Variants in ETV6 observed in about 807,000 individuals in gnomAD.
The protein encoded by ETV6 is transcription factor ETV6.
In ETV6, 16 loss-of-function variants were observed where a neutral mutation model predicts 51.1. The ratio of observed to expected loss-of-function variants is 0.31; its 90% CI spans 0.21 to 0.48. ETV6 has a LOEUF of 0.48. ETV6 is among the 20% of genes least tolerant of loss of function. The probability of loss-of-function intolerance (pLI) is 0.99; values close to 1 mark genes in which losing one functional copy is unlikely to be tolerated. For synonymous variants in ETV6, 240 were observed against 224.1 expected (o/e 1.07, Z -0.64); for missense variants, 458 against 594.8 (o/e 0.77, Z 2.39).
chr12:11,741,183 G>A (rs1865801394), intron 1 of ETV6, among the ~76,000 whole-genome samples: 1 of 152,160 alleles, frequency 6.6e-6, no homozygotes, highest in South Asian at 2.1e-4. Context: ...ACCATGGTAA[G>A]TAGCAAGGTT....
intron 4 of ETV6, among the ~76,000 whole-genome samples, chr12:11,853,866 T>A (rs12319153): frequency 6.6e-6 from 1 of 152,066 alleles, no homozygotes; most frequent in African/African-American, 2.4e-5. Flanking sequence ...AGGAAGCAAC[T>A]CTGGAGTATG....
chr12:11,741,949 G>A (rs1301326336), intron 1 of ETV6, among the ~76,000 whole-genome samples: 1 of 152,136 alleles, frequency 6.6e-6, no homozygotes, highest in Non-Finnish European at 1.5e-5. Context: ...TTGGCTATTG[G>A]GATTGTGTTT....
At chr12:11,823,987 GATTA>G (rs1381832721) in intron 2 of ETV6, among the ~76,000 whole-genome samples, 1 of 152,154 alleles carries the variant, frequency 6.6e-6, no homozygotes, top group Non-Finnish European at 1.5e-5. Context: ...AGACCCCTTA[GATTA>G]ATTATCACAT....
intron 1 of ETV6, among the ~76,000 whole-genome samples, chr12:11,666,030 G>A (rs904450608): frequency 3.3e-5 from 5 of 152,174 alleles, no homozygotes; most frequent in East Asian, 3.9e-4. Context: ...GTCAGGGAGA[G>A]AGAACCAGTG....
chr12:11,868,436 TTC>T (rs1946823629), intron 4 of ETV6, among the ~76,000 whole-genome samples: 1 of 110,570 alleles, frequency 9.0e-6, no homozygotes. Context: ...TTCTTTTTTC[TTC>T]TTTTTTTTTT....
intron 2 of ETV6, among the ~76,000 whole-genome samples, chr12:11,833,172 A>T (rs956064643): frequency 6.6e-6 from 1 of 152,254 alleles, no homozygotes; most frequent in Admixed American, 6.5e-5. Context: ...ACAGTACAAA[A>T]GCAATAGCTA....
chr12:11,774,921 A>G (rs1467068498), intron 2 of ETV6, among the ~76,000 whole-genome samples: 1 of 152,226 alleles, frequency 6.6e-6, no homozygotes, highest in Non-Finnish European at 1.5e-5. Flanking sequence ...GTCAGGCAGG[A>G]CAAGGGGATC....
At chr12:11,665,767 T>A (rs1864183007) in intron 1 of ETV6, among the ~76,000 whole-genome samples, 1 of 152,178 alleles carries the variant, frequency 6.6e-6, no homozygotes, top group African/African-American at 2.4e-5. Context: ...GGACTCCATG[T>A]CAGGGCGAAC....
chr12:11,788,522 C>G (rs1284123302), intron 2 of ETV6, among the ~76,000 whole-genome samples: 1 of 152,182 alleles, frequency 6.6e-6, no homozygotes, highest in Non-Finnish European at 1.5e-5. Context: ...GCCATCATTT[C>G]TCTTCTGATA....
intron 2 of ETV6, among the ~76,000 whole-genome samples, chr12:11,777,456 T>G (rs1197289306): frequency 6.6e-6 from 1 of 151,262 alleles, no homozygotes; most frequent in Non-Finnish European, 1.5e-5. Flanking sequence ...GTTTTTTTGT[T>G]TTTTTTTTCT....
At chr12:11,858,303 A>G (rs1946662280) in intron 4 of ETV6, among the ~76,000 whole-genome samples, 1 of 152,208 alleles carries the variant, frequency 6.6e-6, no homozygotes, top group Admixed American at 6.5e-5. Flanking sequence ...GTAAATGACT[A>G]TAAAATAAAT....
At position 11,891,159 on chromosome 12, in the gene ETV6, C is replaced by A; in HGVS notation, c.*113C>A. The A allele has an allele frequency of 1.3e-6, 1 of 779,856 alleles. No homozygotes were observed. Among genetic ancestry groups the A allele is most frequent in the Non-Finnish European group, 2.1e-6 (1 of 468,740 alleles). 48.3% of individuals were successfully genotyped at this position (779,856 alleles called of 1,614,324 possible). A position where few individuals can be genotyped will look rare whatever the true frequency, so the allele number is the denominator to read the frequency against. On this transcript the variant is annotated 3_prime_UTR_variant, in exon 8 of 8. Transcript: ENST00000396373. Reference sequence around the variant, plus strand: ...TGAGGAGAGTGGAAAAGGAAGCGACCCAGAAATGGCAGGGACACTTCTCTT... The same window carrying A: ...TGAGGAGAGTGGAAAAGGAAGCGACACAGAAATGGCAGGGACACTTCTCTT...
Position 11,893,796 on chromosome 12 carries a change from A to ATT in ETV6, c.*2751_*2752insTT, listed in dbSNP as rs1947338621. 1.8e-4 allele frequency: 1 copy of ATT among 5,696 alleles called. No homozygotes were observed. Among genetic ancestry groups the ATT allele is most frequent in the African/African-American group, 5.3e-4 (1 of 1,888 alleles). 0.4% of individuals were successfully genotyped at this position (5,696 alleles called of 1,614,324 possible). A position where few individuals can be genotyped will look rare whatever the true frequency, so the allele number is the denominator to read the frequency against. On this transcript the variant is annotated 3_prime_UTR_variant, in exon 8 of 8. Transcript: ENST00000396373. ...GTCCATCCCCAAGATCTCTCATTTT[A>ATT]TATATATATATATATATATATATAT...
chr12:11,844,864 G>A (rs1161795618), intron 3 of ETV6, among the ~76,000 whole-genome samples: 4 of 150,722 alleles, frequency 2.7e-5, no homozygotes, highest in African/African-American at 7.3e-5. Context: ...ATGGATTCTC[G>A]CTCTGTCGCC....
chr12:11,753,905 A>T (rs558014895), intron 2 of ETV6, among the ~76,000 whole-genome samples: 1 of 152,328 alleles, frequency 6.6e-6, no homozygotes, highest in African/African-American at 2.4e-5. Flanking sequence ...GAAGTAAAGG[A>T]CACAGCCCTA....
At chr12:11,880,305 G>T (rs1469963809) in intron 5 of ETV6, among the ~76,000 whole-genome samples, 1 of 152,170 alleles carries the variant, frequency 6.6e-6, no homozygotes, top group East Asian at 1.9e-4. Flanking sequence ...ATGATCAATT[G>T]GCAGCTTGTT....
intron 1 of ETV6, among the ~76,000 whole-genome samples, chr12:11,680,067 G>A (rs1437749590): frequency 6.6e-6 from 1 of 152,186 alleles, no homozygotes; most frequent in Non-Finnish European, 1.5e-5. Flanking sequence ...CAGCTTGATA[G>A]TTCTCTGGCT....
chr12:11,757,738 T>C lies in ETV6; in HGVS notation c.163+5159T>C, dbSNP rs116216800. Among the ~76,000 whole-genome samples the C allele has an allele frequency of 3.6e-3, 542 of 152,314 alleles. 2 individuals carry two copies. The highest frequency in any genetic ancestry group is 0.012 in the African/African-American group (510 of 41,570). On this transcript the variant is annotated intron_variant, in intron 2 of 7. Coordinates refer to ENST00000396373, the MANE Select transcript of ETV6 (RefSeq NM_001987.5). Reference sequence around the variant, plus strand: ...TGAAAGTAGAGGCACTGCTGACCGCTGAAGTCTGGGCAGCCACAGGTGCAG... The same window carrying C: ...TGAAAGTAGAGGCACTGCTGACCGCCGAAGTCTGGGCAGCCACAGGTGCAG...
At position 11,869,456 on chromosome 12, in the gene ETV6, G is replaced by A. The variant is rs142603082; in HGVS notation, c.496G>A (p.Val166Met). The A allele has an allele frequency of 2.3e-4, 369 of 1,613,548 alleles. No homozygotes were observed. The East Asian group carries it at 4.5e-3, about 20-fold the overall frequency. ...TGTCCAGAGGACCCCCAGGCCATCCGTGGATAATGTGCACCATAACCCTCC... is the reference window on the plus strand; with the variant it reads ...TGTCCAGAGGACCCCCAGGCCATCCATGGATAATGTGCACCATAACCCTCC... ...NCVQRTPRPS[V>M]DNVHHNPPTI... Residue 166 changes from valine to methionine, a missense_variant, in exon 5 of 8, where the codon GTG becomes ATG. By Grantham distance (21) the Val-to-Met change is conservative (BLOSUM62 1). Around this residue, in one of 4 missense-constraint regions of ETV6, gnomAD observed 293 missense variants for 315.7 expected, o/e 0.93. Transcript: ENST00000396373. This position sits in a 1 kb window ranked among gnomAD's most constrained non-coding sequence, Gnocchi z 5.0.
Sources: allele counts gnomAD v4.1 joint callset (sites outside exome capture counted in the v4.1 genomes callset), GRCh38; gene constraint gnomAD v4.1.1; regional missense constraint gnomAD v4.1.1; non-coding constraint Gnocchi (gnomAD v3.1); transcripts MANE v1.5; gene names NCBI Gene and HGNC (gene_info 2026-07-23, HGNC 2026-07-21).